The following PTPRB variants were observed in gnomAD, a reference collection of about 807,000 sequenced individuals.
PTPRB encodes the protein receptor-type tyrosine-protein phosphatase beta.
In PTPRB, 97 loss-of-function variants were observed where a neutral mutation model predicts 238.1. The ratio of observed to expected loss-of-function variants is 0.41; its 90% CI spans 0.35 to 0.48. The LOEUF (loss-of-function observed/expected upper bound fraction) is 0.48. Among genes scored for constraint, PTPRB ranks in the 20% least tolerant of loss-of-function variants. PTPRB has a pLI of 0.30. For missense variants in PTPRB, 2,292 were observed against 2,681.9 expected, an observed-to-expected ratio of 0.85 and a Z score of 3.21; for synonymous variants, 970 against 995.4, an observed-to-expected ratio of 0.97 and a Z score of 0.48.
chr12:70,587,128 T>G lies in PTPRB; in HGVS notation c.2190A>C (p.Ser730=). The G allele has an allele frequency of 6.2e-7, 1 of 1,613,876 alleles. No individual in the cohort carries two copies. Residue 730 remains serine, a synonymous_variant, in exon 9 of 34, where the codon TCA becomes TCC. Coordinates refer to ENST00000334414, the MANE Select transcript of PTPRB (RefSeq NM_001109754.4). ...ADRDLLLIHK[S]LSKDAKEFTF... Reference sequence around the variant, plus strand: ...TGAATTCTTTGGCATCTTTGGAGAGTGACTTGTGGATCAGTAAGAGGTCTC... The same window carrying G: ...TGAATTCTTTGGCATCTTTGGAGAGGGACTTGTGGATCAGTAAGAGGTCTC...
intron 18 of PTPRB, among the ~76,000 whole-genome samples, chr12:70,558,342 T>C (rs747633770): frequency 2.0e-5 from 3 of 152,228 alleles, no homozygotes; most frequent in East Asian, 1.9e-4. Context: ...CAATGTGGCA[T>C]AAAAGTTATA....
rs1383097115 is a variant in PTPRB, at chr12:70,560,782, C to G, written c.4321G>C (p.Asp1441His). 1 of 1,613,822 alleles carries G rather than the reference C, an allele frequency of 6.2e-7. No individual in the cohort carries two copies. The highest frequency in any genetic ancestry group is 1.7e-5 in the Admixed American group (1 of 59,982). ...GTKKENWKDK[D>H]LTEWRFQGLV... Reference sequence around the variant, plus strand: ...CCTTGAAACCGCCACTCCGTCAGGTCCTTGTCTTTCCAGTTTTCCTTCTTT... The same window carrying G: ...CCTTGAAACCGCCACTCCGTCAGGTGCTTGTCTTTCCAGTTTTCCTTCTTT... Residue 1441 changes from aspartate to histidine, a missense_variant, in exon 17 of 34, where the codon GAC becomes CAC. Around this residue, in one of 4 missense-constraint regions of PTPRB, gnomAD observed 683 missense variants for 862.0 expected, o/e 0.79. Coordinates refer to ENST00000334414, the MANE Select transcript of PTPRB (RefSeq NM_001109754.4). This position sits in a 1 kb window ranked among gnomAD's most constrained non-coding sequence, Gnocchi z 4.2.
intron 22 of PTPRB, among the ~76,000 whole-genome samples, chr12:70,544,295 TTCAC>T (rs1225363808): frequency 6.6e-6 from 1 of 152,232 alleles, no homozygotes; most frequent in Non-Finnish European, 1.5e-5. Flanking sequence ...TTTAATGGTT[TTCAC>T]TCACTATTTA....
intron 4 of PTPRB, among the ~76,000 whole-genome samples, chr12:70,606,211 G>C (rs1443484957): frequency 6.6e-6 from 1 of 152,178 alleles, no homozygotes; most frequent in Non-Finnish European, 1.5e-5. Flanking sequence ...CTTTTTGTTA[G>C]TCATCTTTAT....
In PTPRB at chr12:70,532,310, T is replaced by A. The variant is rs1353095493; in HGVS notation, c.6369-140A>T. On this transcript the variant is annotated intron_variant, in intron 31 of 33. Transcript: ENST00000334414. ...GGAATATTTCTTTCTCTCAAATAAG[T>A]TTAACCTAGAGTCCCCCAACCCCAC... 3 of 1,155,934 alleles carry A rather than the reference T, an allele frequency of 2.6e-6. No individual in the cohort carries two copies. In the African/African-American group the frequency reaches 4.7e-5, roughly 18 times the overall value. The allele number at this position is 1,155,934 out of a possible 1,614,324, so 71.6% of individuals were successfully genotyped here.
At chr12:70,593,761 T>C (rs1383339253) in intron 6 of PTPRB, among the ~76,000 whole-genome samples, 1 of 150,758 alleles carries the variant, frequency 6.6e-6, no homozygotes, top group Non-Finnish European at 1.5e-5. Flanking sequence ...GCACTACATA[T>C]ATTAGAGTTT....
chr12:70,594,099 T>A (rs1468008112), intron 6 of PTPRB, among the ~76,000 whole-genome samples: 1 of 152,146 alleles, frequency 6.6e-6, no homozygotes, highest in Non-Finnish European at 1.5e-5. Context: ...AGGAGTAGGG[T>A]ATGTATAGCA....
rs572055013 is a variant in PTPRB, at chr12:70,519,717, C to CACTT, written c.*1768_*1771dup. Reference sequence around the variant, plus strand: ...TTTCTCGCTGGTGGTACATCTACTGCACTTACACATATGTTGTTCCTTTTC... The same window carrying CACTT: ...TTTCTCGCTGGTGGTACATCTACTGCACTTACTTACACATATGTTGTTCCTTTTC... On this transcript the variant is annotated 3_prime_UTR_variant, in exon 34 of 34. Coordinates refer to ENST00000334414, the MANE Select transcript of PTPRB (RefSeq NM_001109754.4). 6.6e-6 allele frequency: 1 copy of CACTT among 152,604 alleles called. No individual in the cohort carries two copies. The highest frequency in any genetic ancestry group is 2.1e-4 in the South Asian group (1 of 4,830). 9.5% of individuals were successfully genotyped at this position (152,604 alleles called of 1,614,324 possible).
rs1884204133 is a variant in PTPRB at position 70,609,069 on chromosome 12, C to T, written c.979G>A (p.Asp327Asn). ...DEERTVVLQT[D>N]PLPPARFGVS... The stretch of plus-strand genomic sequence containing the variant: ...TCCAATTGCACCTGTCATCCTTTAC[C>T]TGTTTGCAAGACCACTGTTCTCTCT... Residue 327 changes from aspartate (D) to asparagine (N), a missense_variant and splice_region_variant, in exon 4 of 34, where the codon GAT becomes AAT. Physicochemically the swap from Asp to Asn is conservative, Grantham distance 23 (BLOSUM62 1). Transcript: ENST00000334414. The T allele has an allele frequency of 6.2e-7, 1 of 1,613,802 alleles. No individual in the cohort carries two copies. Among genetic ancestry groups the T allele is most frequent in the Non-Finnish European group, 8.5e-7 (1 of 1,179,832 alleles).
intron 2 of PTPRB, among the ~76,000 whole-genome samples, chr12:70,634,182 T>G (rs1307672825): frequency 1.3e-5 from 2 of 152,190 alleles, no homozygotes; most frequent in Admixed American, 1.3e-4. Context: ...AAATGCTTGT[T>G]TTAACTTACA....
chr12:70,539,840 G>A lies in PTPRB; in HGVS notation c.5683C>T (p.Arg1895Trp), dbSNP rs370553796. Residue 1895 changes from arginine to tryptophan, a missense_variant, in exon 25 of 34, where the codon CGG becomes TGG. Physicochemically the swap from Arg to Trp is moderately radical, Grantham distance 101 (BLOSUM62 -3). This residue lies in a region of PTPRB where 397 missense variants were observed against 502.0 expected (regional missense o/e 0.79). Transcript: ENST00000334414. ...VHLNLGQKGN[R>W]KTSCPIKINQ... The stretch of plus-strand genomic sequence containing the variant: ...TCTCTCTCTTACCAAGAAGTTTTCC[G>A]GTTACTGTGAAGAGAAGCCAAAAGA... The A allele has an allele frequency of 6.9e-6, 11 of 1,589,304 alleles. No individual in the cohort carries two copies. Among genetic ancestry groups the A allele is most frequent in the African/African-American group, 1.3e-5 (1 of 74,410 alleles).
intron 11 of PTPRB, 135 bp downstream of exon 11, chr12:70,576,247 T>C: frequency 3.1e-6 from 3 of 964,588 alleles, no homozygotes; most frequent in Non-Finnish European, 4.5e-6. Flanking sequence ...TGGGTTAAAA[T>C]ACGAAGACTT....
At chr12:70,573,505 C>CTTTTTTTTTTTTTTTTTTT (rs937307862) in intron 11 of PTPRB, among the ~76,000 whole-genome samples, 8 of 90,820 alleles carry the variant, frequency 8.8e-5, no homozygotes, top group Non-Finnish European at 1.2e-4. Flanking sequence ...CTTTTCTTTT[C>CTTTTTTTTTTTTTTTTTTT]TTTTTTTTTT....
intron 2 of PTPRB, among the ~76,000 whole-genome samples, chr12:70,628,272 G>A (rs1455555925): frequency 6.6e-6 from 1 of 152,194 alleles, no homozygotes; most frequent in Admixed American, 6.5e-5. Context: ...AATGCTGATT[G>A]GTTGGCTGAC....
In PTPRB at chr12:70,516,553, A is replaced by G. The variant is rs1871211282; in HGVS notation, c.*4936T>C. On this transcript the variant is annotated 3_prime_UTR_variant, in exon 34 of 34. Transcript: ENST00000334414. ...AACTCTGCCACAAACTCTTAAAGCC[A>G]CAATTTCATGTGTTCCTTTCTTGAT... The G allele has an allele frequency of 6.6e-6, 1 of 152,204 alleles. No individual in the cohort carries two copies. Among genetic ancestry groups the G allele is most frequent in the Non-Finnish European group, 1.5e-5 (1 of 68,024 alleles). 9.4% of individuals were successfully genotyped at this position (152,204 alleles called of 1,614,324 possible).
Position 70,520,196 on chromosome 12 carries a change from C to A in PTPRB, c.*1293G>T. On this transcript the variant is annotated 3_prime_UTR_variant, in exon 34 of 34. Transcript: ENST00000334414. ...GTACAAACTCCTTTCAAATTTTTCC[C>A]AGGAATGCTGTCGGAACTGGACCTT... 1 of 478,994 alleles carries A rather than the reference C, an allele frequency of 2.1e-6. No homozygotes were observed. Among genetic ancestry groups the A allele is most frequent in the East Asian group, 5.9e-5 (1 of 17,008 alleles). 29.7% of individuals were successfully genotyped at this position (478,994 alleles called of 1,614,324 possible). A position where few individuals can be genotyped will look rare whatever the true frequency, so the allele number is the denominator to read the frequency against.
At chr12:70,575,718 AT>A (rs1300719951) in intron 11 of PTPRB, among the ~76,000 whole-genome samples, 1 of 152,250 alleles carries the variant, frequency 6.6e-6, no homozygotes. Context: ...AATCTCAGGT[AT>A]AAACCCCAGA....
intron 1 of PTPRB, 44 bp downstream of exon 1, chr12:70,637,297 G>T: frequency 6.4e-7 from 1 of 1,554,278 alleles, no homozygotes; most frequent in Non-Finnish European, 8.8e-7. Context: ...TCCTTGGCTA[G>T]ATCTTGAAGA....
chr12:70,577,377 G>A (rs1039134425), intron 10 of PTPRB, among the ~76,000 whole-genome samples: 1 of 152,160 alleles, frequency 6.6e-6, no homozygotes, highest in African/African-American at 2.4e-5. Context: ...AACGTTTACT[G>A]AGAACCTACT....
Sources: gnomAD v4.1 joint callset for allele counts (sites outside exome capture counted in the v4.1 genomes callset) on GRCh38, gnomAD v4.1.1 for gene constraint, gnomAD v4.1.1 regional missense constraint, Gnocchi (gnomAD v3.1) non-coding constraint, MANE v1.5 for transcripts, NCBI Gene and HGNC (gene_info 2026-07-23, HGNC 2026-07-21) for gene names.